The following GRID2 variants were observed in gnomAD, a reference collection of about 807,000 sequenced individuals.
GRID2 encodes glutamate receptor ionotropic, delta-2.
GRID2 carries 33 observed loss-of-function variants against 114.8 expected under a neutral mutation model. That is an observed-to-expected ratio of 0.29 (90% CI 0.22 to 0.38). GRID2 has a LOEUF of 0.38. GRID2 is among the 10% of genes least tolerant of loss of function. The pLI, the probability that GRID2 is intolerant of heterozygous loss-of-function variation, is 1.00. For synonymous variants in GRID2, 505 were observed against 449.9 expected (o/e 1.12, Z -1.55); for missense variants, 1,184 against 1,257.7 (o/e 0.94, Z 0.89).
At chr4:93,102,768 T>C (rs1178850207) in intron 3 of GRID2, among the ~76,000 whole-genome samples, 1 of 150,854 alleles carries the variant, frequency 6.6e-6, no homozygotes, top group African/African-American at 2.4e-5. Flanking sequence ...TAGCCACCAG[T>C]ATAACCCTGT....
At chr4:92,620,294 G>A (rs1253324892) in intron 2 of GRID2, among the ~76,000 whole-genome samples, 1 of 151,680 alleles carries the variant, frequency 6.6e-6, no homozygotes, top group East Asian at 1.9e-4. Context: ...TGTAAGTGAT[G>A]GATTAAGGGT....
At chr4:93,130,399 C>G (rs895289634) in intron 4 of GRID2, among the ~76,000 whole-genome samples, 7 of 152,136 alleles carry the variant, frequency 4.6e-5, no homozygotes, top group Non-Finnish European at 1.0e-4. Flanking sequence ...CATGTTCGCA[C>G]CACCACAGCA....
chr4:93,528,185 C>T (rs1481103964), intron 13 of GRID2, among the ~76,000 whole-genome samples: 1 of 151,746 alleles, frequency 6.6e-6, no homozygotes, highest in Non-Finnish European at 1.5e-5. Context: ...TACACACACA[C>T]ACATATATAT....
intron 14 of GRID2, among the ~76,000 whole-genome samples, chr4:93,634,182 A>G (rs1721203390): frequency 6.6e-6 from 1 of 152,202 alleles, no homozygotes; most frequent in Non-Finnish European, 1.5e-5. Context: ...AAAAATTTTA[A>G]GGAAAACAAA....
At chr4:93,081,723 A>C (rs969278995) in intron 2 of GRID2, among the ~76,000 whole-genome samples, 1 of 152,176 alleles carries the variant, frequency 6.6e-6, no homozygotes, top group Non-Finnish European at 1.5e-5. Flanking sequence ...GAGATGTCAT[A>C]GGTTTAGATT....
chr4:93,741,178 T>TATATATATATATATATATATAC (rs1731358485), intron 14 of GRID2, among the ~76,000 whole-genome samples: 4 of 28,438 alleles, frequency 1.4e-4, no homozygotes, highest in Non-Finnish European at 2.8e-4. Flanking sequence ...TATATACATA[T>TATATATATATATATATATATAC]ATATATATAT....
At position 93,524,378 on chromosome 4, in the gene GRID2, A is replaced by G. The variant is rs553145349; in HGVS notation, c.2193+8967A>G. ...CTGGCATATTTTCTGCTCTCTAGAAATCAGAGTTTTTAGGTCTGTGTCAGT... is the reference window on the plus strand; with the variant it reads ...CTGGCATATTTTCTGCTCTCTAGAAGTCAGAGTTTTTAGGTCTGTGTCAGT... On this transcript the variant is annotated intron_variant, in intron 13 of 15. Coordinates refer to ENST00000282020, the MANE Select transcript of GRID2 (RefSeq NM_001510.4). 5.2e-4 allele frequency among the ~76,000 whole-genome samples: 79 copies of G among 152,236 alleles called. No homozygotes were observed. In the Middle Eastern group the frequency reaches 0.01, roughly 20 times the overall value.
At chr4:93,341,754 G>A (rs141096919) in intron 8 of GRID2, among the ~76,000 whole-genome samples, 1 of 152,232 alleles carries the variant, frequency 6.6e-6, no homozygotes, top group African/African-American at 2.4e-5. Context: ...TAGGAGTTGT[G>A]GGATTTGGGG....
intron 13 of GRID2, among the ~76,000 whole-genome samples, chr4:93,594,391 T>G (rs1297367063): frequency 6.6e-6 from 1 of 152,186 alleles, no homozygotes. Context: ...GGGACCCACT[T>G]GAGGAGGCAG....
chr4:92,942,265 C>T (rs1751211672), intron 2 of GRID2, among the ~76,000 whole-genome samples: 1 of 134,354 alleles, frequency 7.4e-6, no homozygotes, highest in African/African-American at 2.5e-5. Flanking sequence ...GTATTGGGTG[C>T]ATATATATTT....
chr4:93,559,489 C>T (rs1296401895), intron 13 of GRID2, among the ~76,000 whole-genome samples: 3 of 152,172 alleles, frequency 2.0e-5, no homozygotes, highest in Admixed American at 6.5e-5. Context: ...AGCTCATCAT[C>T]GTTGGTCATT....
intron 2 of GRID2, among the ~76,000 whole-genome samples, chr4:92,903,421 T>C (rs576288810): frequency 6.6e-6 from 1 of 152,124 alleles, no homozygotes; most frequent in East Asian, 1.9e-4. Flanking sequence ...CATTTCTCTT[T>C]GTCAGACTTA....
chr4:92,739,845 A>G (rs1736784518), intron 2 of GRID2, among the ~76,000 whole-genome samples: 1 of 152,138 alleles, frequency 6.6e-6, no homozygotes. Flanking sequence ...CTGTATTTAT[A>G]AATATTTCAA....
At chr4:92,786,349 A>C (rs1236044966) in intron 2 of GRID2, among the ~76,000 whole-genome samples, 1 of 151,866 alleles carries the variant, frequency 6.6e-6, no homozygotes, top group Non-Finnish European at 1.5e-5. Context: ...TTATCGTGAT[A>C]TCTGCTTTGA....
chr4:93,684,569 A>T lies in GRID2; in HGVS notation c.2360+58134A>T, dbSNP rs967695934. Among the ~76,000 whole-genome samples the T allele has an allele frequency of 2.6e-5, 4 of 152,220 alleles. No homozygotes were observed. In the East Asian group the frequency reaches 7.7e-4, roughly 29 times the overall value. ...ACTCAGGTGTTCTCAAGGCCAGTTC[A>T]TTGACAGGTGGGCAAGAAGGCATTT... On this transcript the variant is annotated intron_variant, in intron 14 of 15. Coordinates refer to ENST00000282020, the MANE Select transcript of GRID2 (RefSeq NM_001510.4).
Position 92,313,121 on chromosome 4 carries a change from G to GTGTA in GRID2, c.88+8378_88+8379insGTAT, listed in dbSNP as rs1373462080. ...TGTGTGTGTGTGTGTGTGTGTGTGT[G>GTGTA]TATATGAGATGGAATACTACTCAGC... is the stretch of plus-strand genomic sequence containing the variant. On this transcript the variant is annotated intron_variant, in intron 1 of 15. Coordinates refer to ENST00000282020, the MANE Select transcript of GRID2 (RefSeq NM_001510.4). Among the ~76,000 whole-genome samples, 71 of 136,708 alleles carry GTGTA rather than the reference G, an allele frequency of 5.2e-4. 1 individual carries two copies. Among genetic ancestry groups the GTGTA allele is most frequent in the African/African-American group, 1.7e-3 (65 of 38,792 alleles). The allele number at this position is 136,708 out of a possible 152,430, so 89.7% of individuals were successfully genotyped here. A position where few individuals can be genotyped will look rare whatever the true frequency, so the allele number is the denominator to read the frequency against.
At chr4:93,091,959 G>A (rs1323389718) in intron 3 of GRID2, among the ~76,000 whole-genome samples, 2 of 152,146 alleles carry the variant, frequency 1.3e-5, no homozygotes, top group Non-Finnish European at 2.9e-5. Flanking sequence ...GTAGGTGTAG[G>A]TAATCCCACA....
At chr4:92,694,700 G>C (rs1236290230) in intron 2 of GRID2, among the ~76,000 whole-genome samples, 1 of 152,032 alleles carries the variant, frequency 6.6e-6, no homozygotes. Context: ...CTTTGGAACT[G>C]GTACAGTCCT....
chr4:92,861,439 A>G (rs936872475), intron 2 of GRID2, among the ~76,000 whole-genome samples: 2 of 152,114 alleles, frequency 1.3e-5, no homozygotes, highest in East Asian at 3.9e-4. Flanking sequence ...TGAGAATTCT[A>G]TCTACCAAAG....
Sources: gnomAD v4.1 joint callset for allele counts (sites outside exome capture counted in the v4.1 genomes callset) on GRCh38, gnomAD v4.1.1 for gene constraint, MANE v1.5 for transcripts, NCBI Gene and HGNC (gene_info 2026-07-23, HGNC 2026-07-21) for gene names.